Variants in ANKRD42 observed in about 807,000 individuals in gnomAD.
ANKRD42 encodes ankyrin repeat domain-containing protein 42.
ANKRD42 carries 43 observed loss-of-function variants against 51.5 expected under a neutral mutation model. That is an observed-to-expected ratio of 0.83 (90% CI 0.65 to 1.08). The LOEUF is 1.08. Among genes scored for constraint, ANKRD42 ranks in the 50% least tolerant of loss-of-function variants. ANKRD42 has a pLI of 0.00. For synonymous variants in ANKRD42, 203 were observed against 213.0 expected (o/e 0.95, Z 0.41); for missense variants, 608 against 629.3 (o/e 0.97, Z 0.36).
At chr11:83,225,937 A>T (rs1256941876) in intron 6 of ANKRD42, among the ~76,000 whole-genome samples, 1 of 151,922 alleles carries the variant, frequency 6.6e-6, no homozygotes, top group African/African-American at 2.4e-5. Context: ...AGTTATATAT[A>T]TGAGTTGGGG....
chr11:83,194,419 G>C lies in ANKRD42; in HGVS notation c.-252G>C. The C allele has an allele frequency of 1.5e-6, 1 of 684,784 alleles. No homozygotes were observed. The highest frequency in any genetic ancestry group is 2.7e-6 in the Non-Finnish European group (1 of 373,832). 42.4% of individuals were successfully genotyped at this position (684,784 alleles called of 1,614,324 possible). ...TGGAGACCGCGGCTACGCAGCCAGCGACTCCTCTGGTGTGAGCGGCAGTGA... is the reference window on the plus strand; with the variant it reads ...TGGAGACCGCGGCTACGCAGCCAGCCACTCCTCTGGTGTGAGCGGCAGTGA... On this transcript the variant is annotated 5_prime_UTR_variant, in exon 1 of 11. Transcript: ENST00000533342.
intron 1 of ANKRD42, among the ~76,000 whole-genome samples, chr11:83,195,845 CTTTTT>C (rs573093104): frequency 7.2e-6 from 1 of 138,446 alleles, no homozygotes; most frequent in African/African-American, 2.7e-5. Flanking sequence ...CTCTCTCTCT[CTTTTT>C]TTTTTTTTTT....
chr11:83,252,917 G>C (rs504105), downstream of ANKRD42, among the ~76,000 whole-genome samples: 109,503 of 152,042 alleles, frequency 0.72, 40,215 homozygotes, highest in African/African-American at 0.85. Flanking sequence ...TGTCTGTCCA[G>C]AGAGAGAGTT....
chr11:83,230,239 G>A (rs1446372889), intron 7 of ANKRD42, among the ~76,000 whole-genome samples: 5 of 152,074 alleles, frequency 3.3e-5, no homozygotes. Flanking sequence ...TGTTTGTAGA[G>A]ACAGAGTTTT....
chr11:83,200,834 G>A (rs1034757523), intron 2 of ANKRD42, among the ~76,000 whole-genome samples: 1 of 152,084 alleles, frequency 6.6e-6, no homozygotes, highest in Admixed American at 6.5e-5. Context: ...ATAGGATAAA[G>A]TTCAAGCCAT....
intron 9 of ANKRD42, among the ~76,000 whole-genome samples, chr11:83,244,461 G>A (rs909572114): frequency 6.6e-6 from 1 of 152,146 alleles, no homozygotes; most frequent in Non-Finnish European, 1.5e-5. Context: ...TGCTAAGCTG[G>A]TCCTGTAAAG....
chr11:83,245,651 T>C (rs769351991), intron 10 of ANKRD42, 27 bp downstream of exon 10: 80 of 1,519,666 alleles, frequency 5.3e-5, no homozygotes, highest in Middle Eastern at 1.7e-4. Flanking sequence ...TTTAATGATT[T>C]GTTTTTAAAT....
At chr11:83,202,977 ATGT>A in intron 2 of ANKRD42, among the ~76,000 whole-genome samples, 1 of 150,506 alleles carries the variant, frequency 6.6e-6, no homozygotes, top group Admixed American at 6.6e-5. Context: ...TGTTCAATAA[ATGT>A]TGGTTGGATT....
chr11:83,209,596 A>T (rs990056081), intron 3 of ANKRD42: 2 of 891,134 alleles, frequency 2.2e-6, no homozygotes, highest in Non-Finnish European at 3.8e-6. Context: ...AACCTCACAT[A>T]TTGCTGTTCC....
At chr11:83,210,268 A>G (rs1210057769) in intron 3 of ANKRD42, 32 bp from the exon 4 acceptor site, 2 of 1,602,944 alleles carry the variant, frequency 1.2e-6, no homozygotes, top group Admixed American at 1.7e-5. Flanking sequence ...ATCTATACTC[A>G]TGTAAAGTCT....
intron 3 of ANKRD42, among the ~76,000 whole-genome samples, chr11:83,208,276 C>T (rs2135495863): frequency 6.6e-6 from 1 of 152,254 alleles, no homozygotes; most frequent in South Asian, 2.1e-4. Context: ...AAGTGGTCCT[C>T]CTGCCTTGGC....
downstream of ANKRD42, among the ~76,000 whole-genome samples, chr11:83,257,923 A>G (rs1173207661): frequency 1.3e-5 from 2 of 152,228 alleles, no homozygotes; most frequent in African/African-American, 4.8e-5. Context: ...GCCGCGCAGG[A>G]TAAGAACTAA....
At chr11:83,230,227 ATTG>A (rs1863025722) in intron 7 of ANKRD42, among the ~76,000 whole-genome samples, 1 of 151,802 alleles carries the variant, frequency 6.6e-6, no homozygotes, top group South Asian at 2.1e-4. Context: ...AATTTTTTGT[ATTG>A]TTTGTAGAGA....
chr11:83,249,540 T>C (rs923210777), downstream of ANKRD42, among the ~76,000 whole-genome samples: 5 of 152,234 alleles, frequency 3.3e-5, no homozygotes, highest in Non-Finnish European at 7.3e-5. Flanking sequence ...ACTTTAGGAA[T>C]GTTTCTGTCT....
chr11:83,214,141 G>C (rs765613506), intron 5 of ANKRD42: 2 of 152,062 alleles, frequency 1.3e-5, no homozygotes, highest in Non-Finnish European at 2.9e-5. Context: ...CACCCACCTC[G>C]GCCTCCCAAA....
intron 8 of ANKRD42, among the ~76,000 whole-genome samples, chr11:83,239,759 A>C (rs749613460): frequency 3.3e-5 from 5 of 152,242 alleles, no homozygotes; most frequent in Non-Finnish European, 7.3e-5. Context: ...TCAGCATCAA[A>C]TAGGTGATTG....
chr11:83,207,443 G>T (rs1325706113), intron 3 of ANKRD42, among the ~76,000 whole-genome samples: 1 of 152,182 alleles, frequency 6.6e-6, no homozygotes, highest in Non-Finnish European at 1.5e-5. Flanking sequence ...AAATATAGAT[G>T]AGAAGAATTG....
chr11:83,235,497 A>G (rs1336270453), intron 7 of ANKRD42, among the ~76,000 whole-genome samples: 2 of 152,226 alleles, frequency 1.3e-5, no homozygotes, highest in African/African-American at 4.8e-5. Context: ...AGCTAGTAAG[A>G]GCAGAGCTAA....
chr11:83,243,342 A>G (rs565337839), intron 9 of ANKRD42, among the ~76,000 whole-genome samples: 1 of 152,110 alleles, frequency 6.6e-6, no homozygotes, highest in Non-Finnish European at 1.5e-5. Flanking sequence ...TCTCGACATC[A>G]CAGACACTGC....
Sources: gnomAD v4.1 joint callset for allele counts (sites outside exome capture counted in the v4.1 genomes callset) on GRCh38, gnomAD v4.1.1 for gene constraint, MANE v1.5 for transcripts, NCBI Gene and HGNC (gene_info 2026-07-23, HGNC 2026-07-21) for gene names.